Variants in NELL2 observed in about 807,000 individuals in gnomAD.
NELL2 encodes neural EGFL like 2.
NELL2 carries 41 observed loss-of-function variants against 109.6 expected under a neutral mutation model. That is an observed-to-expected ratio of 0.37 (90% CI 0.29 to 0.49). NELL2 has a LOEUF of 0.49. NELL2 is among the 20% of genes least tolerant of loss of function. The pLI is 0.98. For synonymous variants in NELL2, 355 were observed against 344.7 expected (o/e 1.03, Z -0.33); for missense variants, 900 against 1,008.3 (o/e 0.89, Z 1.45).
intron 2 of NELL2, among the ~76,000 whole-genome samples, chr12:44,823,823 A>G (rs530268477): frequency 2.6e-4 from 40 of 152,328 alleles, no homozygotes; most frequent in African/African-American, 9.4e-4. Flanking sequence ...ACTATTTTTC[A>G]TAATGGCTGT....
intron 15 of NELL2, among the ~76,000 whole-genome samples, chr12:44,597,771 G>A (rs1280679566): frequency 1.3e-5 from 2 of 152,292 alleles, no homozygotes; most frequent in Non-Finnish European, 2.9e-5. Context: ...AGGGAATGAG[G>A]AAAAAGGTAA....
chr12:44,639,683 G>A (rs1946779944), intron 13 of NELL2, among the ~76,000 whole-genome samples: 1 of 152,040 alleles, frequency 6.6e-6, no homozygotes, highest in Non-Finnish European at 1.5e-5. Flanking sequence ...TTGTCCGTAA[G>A]AGCCTCTTAA....
upstream of NELL2, among the ~76,000 whole-genome samples, chr12:44,918,526 T>C (rs978114182): frequency 3.5e-5 from 5 of 141,872 alleles, no homozygotes; most frequent in African/African-American, 5.8e-5. Flanking sequence ...TATGTGTGTG[T>C]GTGTGTGTGT....
intron 15 of NELL2, among the ~76,000 whole-genome samples, chr12:44,595,593 A>ATTTTTTTTT (rs57566164): frequency 5.5e-4 from 67 of 121,316 alleles, no homozygotes; most frequent in Middle Eastern, 3.9e-3. Context: ...CACCCAGCTA[A>ATTTTTTTTT]TTTTTTTTTT....
At chr12:44,736,244 C>T (rs185374819) in intron 9 of NELL2, among the ~76,000 whole-genome samples, 484 of 151,798 alleles carry the variant, frequency 3.2e-3, no homozygotes, top group African/African-American at 0.011. Flanking sequence ...CTCCTGACCT[C>T]GTGATCCGCC....
At chr12:44,725,873 G>C (rs1426361375) in intron 9 of NELL2, among the ~76,000 whole-genome samples, 1 of 152,178 alleles carries the variant, frequency 6.6e-6, no homozygotes, top group Non-Finnish European at 1.5e-5. Context: ...GGAGTAGGAA[G>C]AGGAGCAGAA....
At chr12:44,786,585 T>A (rs7488298) in intron 3 of NELL2, among the ~76,000 whole-genome samples, 35,953 of 151,964 alleles carry the variant, frequency 0.24, 4,526 homozygotes, top group South Asian at 0.3. Flanking sequence ...ATGTATGTTT[T>A]CTGCAGCACT....
Position 44,665,717 on chromosome 12 carries a change from T to G in NELL2, c.1319-108A>C, listed in dbSNP as rs1164914983. 2.4e-6 allele frequency: 3 copies of G among 1,233,134 alleles called. No homozygotes were observed. The African/African-American group carries it at 4.5e-5, about 19-fold the overall frequency. 76.4% of individuals were successfully genotyped at this position (1,233,134 alleles called of 1,614,324 possible). A position where few individuals can be genotyped will look rare whatever the true frequency, so the allele number is the denominator to read the frequency against. ...AAGTATTTACTAAATGAATAGCATT[T>G]CAGAAAAGCATTCATGATATCTCCT... On this transcript the variant is annotated intron_variant, in intron 12 of 19. Transcript: ENST00000429094.
chr12:44,642,023 T>C (rs2136301468), intron 13 of NELL2, among the ~76,000 whole-genome samples: 1 of 152,218 alleles, frequency 6.6e-6, no homozygotes, highest in South Asian at 2.1e-4. Flanking sequence ...GGAGTCACAA[T>C]TTTCTCCTCT....
intron 12 of NELL2, among the ~76,000 whole-genome samples, chr12:44,697,228 T>A (rs1426388543): frequency 6.6e-6 from 1 of 152,154 alleles, no homozygotes; most frequent in African/African-American, 2.4e-5. Flanking sequence ...ACAAGTAAGA[T>A]AATTATTTAC....
At chr12:44,556,850 C>T (rs560974379) in intron 15 of NELL2, among the ~76,000 whole-genome samples, 9 of 152,072 alleles carry the variant, frequency 5.9e-5, no homozygotes, top group East Asian at 3.9e-4. Context: ...CATGGGATGA[C>T]GACAATGATG....
At chr12:44,611,585 A>G (rs1340500783) in intron 13 of NELL2, among the ~76,000 whole-genome samples, 1 of 152,106 alleles carries the variant, frequency 6.6e-6, no homozygotes, top group Non-Finnish European at 1.5e-5. Flanking sequence ...TACAAACTTT[A>G]GAATATGTAA....
At chr12:44,676,404 A>G (rs1255234196) in intron 12 of NELL2, among the ~76,000 whole-genome samples, 1 of 152,148 alleles carries the variant, frequency 6.6e-6, no homozygotes, top group East Asian at 1.9e-4. Context: ...ATTTACAAAT[A>G]AGCTAACACT....
chr12:44,677,062 CAG>C (rs1566139465), intron 12 of NELL2, among the ~76,000 whole-genome samples: 1 of 152,030 alleles, frequency 6.6e-6, no homozygotes, highest in African/African-American at 2.4e-5. Flanking sequence ...GTCTTACAAA[CAG>C]GGAGAAATTA....
intron 13 of NELL2, among the ~76,000 whole-genome samples, chr12:44,635,399 G>A (rs926218995): frequency 2.6e-5 from 4 of 152,038 alleles, no homozygotes; most frequent in Admixed American, 2.6e-4. Flanking sequence ...TTTCTTCTAG[G>A]GTTTTTATGG....
intron 2 of NELL2, among the ~76,000 whole-genome samples, chr12:44,868,968 A>G (rs1303767585): frequency 6.6e-6 from 1 of 152,234 alleles, no homozygotes; most frequent in East Asian, 1.9e-4. Flanking sequence ...ATTTCAAAAT[A>G]TTGTGTTGTA....
chr12:44,913,051 A>G (rs1420625646), intron 1 of NELL2, among the ~76,000 whole-genome samples: 1 of 152,232 alleles, frequency 6.6e-6, no homozygotes, highest in Admixed American at 6.5e-5. Flanking sequence ...TACAGTAAGC[A>G]TAATGTGTAT....
intron 15 of NELL2, among the ~76,000 whole-genome samples, chr12:44,556,392 T>A (rs1465005596): frequency 6.6e-6 from 1 of 152,006 alleles, no homozygotes; most frequent in Admixed American, 6.6e-5. Context: ...GAGATCAAGA[T>A]CTATGAGCAG....
intron 2 of NELL2, among the ~76,000 whole-genome samples, chr12:44,850,287 A>G (rs1026238910): frequency 6.6e-6 from 1 of 152,082 alleles, no homozygotes; most frequent in Non-Finnish European, 1.5e-5. Flanking sequence ...AGTAATGCAA[A>G]TTTATAAAAA....
Sources: allele counts gnomAD v4.1 joint callset (sites outside exome capture counted in the v4.1 genomes callset), GRCh38; gene constraint gnomAD v4.1.1; transcripts MANE v1.5; gene names NCBI Gene and HGNC (gene_info 2026-07-23, HGNC 2026-07-21).